Variants in PKN2 observed in about 807,000 individuals in gnomAD.
The protein encoded by PKN2 is protein kinase N2, also known as serine/threonine-protein kinase N2.
A neutral mutation model predicts 119.1 loss-of-function variants in PKN2; 38 were observed. The observed-to-expected ratio is 0.32, with a 90% confidence interval of 0.25 to 0.42. The LOEUF is 0.42. Ranked by LOEUF, PKN2 falls within the 10% of genes least tolerant of loss-of-function variation. The pLI, the probability that PKN2 is intolerant of heterozygous loss-of-function variation, is 1.00. For synonymous variants in PKN2, 390 were observed against 384.9 expected (o/e 1.01, Z -0.15); for missense variants, 850 against 1,165.1 (o/e 0.73, Z 3.94).
chr1:88,753,571 A>G (rs1240985105), intron 2 of PKN2, among the ~76,000 whole-genome samples: 1 of 152,044 alleles, frequency 6.6e-6, no homozygotes, highest in Non-Finnish European at 1.5e-5. Flanking sequence ...TGTACAGGAA[A>G]CATGATGCTG....
At chr1:88,712,490 G>A (rs1289351331) in intron 1 of PKN2, among the ~76,000 whole-genome samples, 1 of 152,060 alleles carries the variant, frequency 6.6e-6, no homozygotes, top group African/African-American at 2.4e-5. Flanking sequence ...TAGGAGGAGT[G>A]TACTTTCAAT....
intron 18 of PKN2, 111 bp from the exon 19 acceptor site, chr1:88,828,370 C>A: frequency 1.2e-6 from 1 of 825,130 alleles, no homozygotes; most frequent in Non-Finnish European, 1.9e-6. Flanking sequence ...AATTTGTTCA[C>A]CATGCACAAA....
At chr1:88,687,750 A>G (rs936255023) in intron 1 of PKN2, among the ~76,000 whole-genome samples, 13 of 149,860 alleles carry the variant, frequency 8.7e-5, no homozygotes, top group African/African-American at 3.3e-4. Flanking sequence ...ACAGGGGTTA[A>G]TTTCACCAAA....
chr1:88,807,227 G>T, intron 12 of PKN2, 86 bp from the exon 13 acceptor site: 1 of 945,566 alleles, frequency 1.1e-6, no homozygotes, highest in Non-Finnish European at 1.5e-6. Flanking sequence ...ATTGACTTTT[G>T]AAATGTTTTT....
Position 88,833,308 on chromosome 1 carries a change from G to A in PKN2, c.2815G>A (p.Gly939Arg), listed in dbSNP as rs780486404. 3.7e-6 allele frequency: 6 copies of A among 1,613,258 alleles called. No homozygotes were observed. The highest frequency in any genetic ancestry group is 1.7e-6 in the Non-Finnish European group (2 of 1,179,498). Residue 939 changes from glycine (G) to arginine (R), a missense_variant, in exon 22 of 22, where the codon GGA (glycine) becomes AGA (arginine). Physicochemically the swap from Gly to Arg is moderately radical, Grantham distance 125. Coordinates refer to ENST00000370521, the MANE Select transcript of PKN2 (RefSeq NM_006256.4). ...GCCACCATTTATACCTACCATAAGA[G>A]GACGAGAAGATGTTAGTAATTTTGA... Reference protein sequence around the residue: ...VKPPFIPTIRGREDVSNFDDE... With the variant: ...VKPPFIPTIRRREDVSNFDDE...
intron 1 of PKN2, among the ~76,000 whole-genome samples, chr1:88,714,684 G>T (rs1218068247): frequency 1.3e-5 from 2 of 152,102 alleles, no homozygotes; most frequent in South Asian, 2.1e-4. Flanking sequence ...TGAGACGATG[G>T]GGTTTTCTAA....
chr1:88,753,113 TA>T (rs1346251010), intron 2 of PKN2, among the ~76,000 whole-genome samples: 1 of 152,206 alleles, frequency 6.6e-6, no homozygotes, highest in Non-Finnish European at 1.5e-5. Flanking sequence ...TCGAACTCCT[TA>T]GAATGCTTTT....
intron 1 of PKN2, among the ~76,000 whole-genome samples, chr1:88,737,967 T>G (rs1422557831): frequency 3.3e-5 from 5 of 152,162 alleles, no homozygotes; most frequent in African/African-American, 1.2e-4. Flanking sequence ...TCTTGCGAAG[T>G]TACTTTCATG....
intron 1 of PKN2, among the ~76,000 whole-genome samples, chr1:88,736,700 T>C (rs1668363155): frequency 6.6e-6 from 1 of 152,120 alleles, no homozygotes; most frequent in Non-Finnish European, 1.5e-5. Flanking sequence ...ATCTGAACAT[T>C]GAGGGATTAG....
Position 88,684,488 on chromosome 1 carries a change from TC to T in PKN2, c.-89del. 1 of 845,766 alleles carries T rather than the reference TC, an allele frequency of 1.2e-6. No homozygotes were observed. The highest frequency in any genetic ancestry group is 1.8e-6 in the Non-Finnish European group (1 of 567,128). 52.4% of individuals were successfully genotyped at this position (845,766 alleles called of 1,614,324 possible). A position where few individuals can be genotyped will look rare whatever the true frequency, so the allele number is the denominator to read the frequency against. On this transcript the variant is annotated 5_prime_UTR_variant, in exon 1 of 22. Coordinates refer to ENST00000370521, the MANE Select transcript of PKN2 (RefSeq NM_006256.4). ...AGTTGTTTTTTTTTTTTTCTTTCTCTCCCCTCTCCTCACCCCCACCCCGAGC... is the reference window on the plus strand; with the variant it reads ...AGTTGTTTTTTTTTTTTTCTTTCTCTCCCTCTCCTCACCCCCACCCCGAGC...
chr1:88,721,232 T>C (rs1201800567), intron 1 of PKN2, among the ~76,000 whole-genome samples: 1 of 152,070 alleles, frequency 6.6e-6, no homozygotes, highest in East Asian at 1.9e-4. Flanking sequence ...CTAGTTTACA[T>C]TCCCACCAGC....
chr1:88,777,784 C>T (rs1289725913), intron 6 of PKN2, among the ~76,000 whole-genome samples: 1 of 152,166 alleles, frequency 6.6e-6, no homozygotes, highest in African/African-American at 2.4e-5. Flanking sequence ...ATTATGCCTT[C>T]CTCCCTTTGG....
chr1:88,765,176 G>A (rs867805233), intron 3 of PKN2, among the ~76,000 whole-genome samples: 36 of 151,564 alleles, frequency 2.4e-4, no homozygotes, highest in South Asian at 4.2e-4. Context: ...TGATCCGCCC[G>A]CCTGGCCCTC....
At chr1:88,700,117 A>G (rs760627386) in intron 1 of PKN2, among the ~76,000 whole-genome samples, 6 of 152,034 alleles carry the variant, frequency 3.9e-5, no homozygotes, top group African/African-American at 7.2e-5. Flanking sequence ...ATAGTATTCC[A>G]TAGTGTATAT....
chr1:88,704,479 A>T (rs1487876461), intron 1 of PKN2, among the ~76,000 whole-genome samples: 1 of 152,200 alleles, frequency 6.6e-6, no homozygotes, highest in Non-Finnish European at 1.5e-5. Context: ...GTGGACTTAC[A>T]CTTTCATTAT....
chr1:88,759,960 TCTAA>T (rs1669373962), intron 2 of PKN2, among the ~76,000 whole-genome samples: 3 of 152,014 alleles, frequency 2.0e-5, no homozygotes, highest in Non-Finnish European at 4.4e-5. Flanking sequence ...CGGACAATCA[TCTAA>T]CTGAGTTTCA....
intron 3 of PKN2, among the ~76,000 whole-genome samples, chr1:88,762,585 G>A (rs9804132): frequency 0.067 from 10,173 of 152,208 alleles, 696 homozygotes; most frequent in African/African-American, 0.18. Context: ...GCTCTGGGGT[G>A]TAAGTGTAAT....
At chr1:88,693,090 A>G (rs1036624900) in intron 1 of PKN2, among the ~76,000 whole-genome samples, 1 of 152,240 alleles carries the variant, frequency 6.6e-6, no homozygotes, top group African/African-American at 2.4e-5. Context: ...AAGAAATAGC[A>G]AAAATTATAC....
chr1:88,829,324 C>T (rs1400823855), intron 19 of PKN2: 33 of 507,436 alleles, frequency 6.5e-5, no homozygotes, highest in Non-Finnish European at 8.8e-5. Flanking sequence ...CAAAAGTATT[C>T]GCTACACCAA....
Sources: gnomAD v4.1 joint callset for allele counts (sites outside exome capture counted in the v4.1 genomes callset) on GRCh38, gnomAD v4.1.1 for gene constraint, MANE v1.5 for transcripts, NCBI Gene and HGNC (gene_info 2026-07-23, HGNC 2026-07-21) for gene names.